The following ANKRD31 variants were observed in gnomAD, a reference collection of about 807,000 sequenced individuals.
The protein encoded by ANKRD31 is ankyrin repeat domain 31.
In ANKRD31, 147 loss-of-function variants were observed where a neutral mutation model predicts 186.0. The ratio of observed to expected loss-of-function variants is 0.79; its 90% CI spans 0.69 to 0.91. ANKRD31 has a LOEUF of 0.91. Ranked by LOEUF, ANKRD31 falls within the 40% of genes least tolerant of loss-of-function variation. The pLI, the probability that ANKRD31 is intolerant of heterozygous loss-of-function variation, is 0.00. For missense variants in ANKRD31, 1,986 were observed against 2,148.8 expected (o/e 0.92, Z 1.50); for synonymous variants, 673 against 736.4 (o/e 0.91, Z 1.39).
At chr5:75,114,781 T>C (rs1287135432) in intron 19 of ANKRD31, among the ~76,000 whole-genome samples, 1 of 152,146 alleles carries the variant, frequency 6.6e-6, no homozygotes, top group Non-Finnish European at 1.5e-5. Flanking sequence ...TGGAAGAACA[T>C]TCCATGCTCA....
At chr5:75,074,970 C>T (rs527249970) in intron 25 of ANKRD31, among the ~76,000 whole-genome samples, 10 of 152,154 alleles carry the variant, frequency 6.6e-5, no homozygotes, top group Non-Finnish European at 1.3e-4. Flanking sequence ...GCACAAATAC[C>T]AGTATGTAAT....
chr5:75,203,455 C>T (rs745820005), intron 5 of ANKRD31, among the ~76,000 whole-genome samples: 3 of 151,744 alleles, frequency 2.0e-5, no homozygotes, highest in Non-Finnish European at 2.9e-5. Context: ...CATGAGGTCA[C>T]GAGTTTAAGA....
intron 22 of ANKRD31, 63 bp downstream of exon 22, chr5:75,104,165 C>A: frequency 7.6e-7 from 1 of 1,322,272 alleles, no homozygotes; most frequent in Non-Finnish European, 1.0e-6. Context: ...TATTATGTGA[C>A]AGCAACATTT....
chr5:75,169,848 C>G (rs1162585188), intron 10 of ANKRD31, among the ~76,000 whole-genome samples: 1 of 152,042 alleles, frequency 6.6e-6, no homozygotes, highest in East Asian at 1.9e-4. Flanking sequence ...GAATGTTTAC[C>G]AGCATCCCTG....
intron 24 of ANKRD31, among the ~76,000 whole-genome samples, chr5:75,081,041 T>G (rs186358927): frequency 9.8e-5 from 15 of 152,294 alleles, no homozygotes; most frequent in Admixed American, 7.2e-4. Context: ...GTAATAGGGT[T>G]AGAGAGTTTT....
chr5:75,094,289 C>T (rs1203537577), intron 22 of ANKRD31, among the ~76,000 whole-genome samples: 1 of 152,142 alleles, frequency 6.6e-6, no homozygotes, highest in East Asian at 1.9e-4. Flanking sequence ...TTTCTTCCAT[C>T]AGCTTCTTTA....
At chr5:75,120,353 T>C (rs1450075746) in intron 17 of ANKRD31, among the ~76,000 whole-genome samples, 1 of 152,104 alleles carries the variant, frequency 6.6e-6, no homozygotes, top group Non-Finnish European at 1.5e-5. Context: ...TGTGTGATAG[T>C]GCCACTGTAC....
At chr5:75,141,678 T>C (rs1468143189) in intron 15 of ANKRD31, among the ~76,000 whole-genome samples, 1 of 151,808 alleles carries the variant, frequency 6.6e-6, no homozygotes, top group East Asian at 1.9e-4. Flanking sequence ...TGTGGTGGCA[T>C]GTAGTCCCAG....
rs1751561394 is a variant in ANKRD31, at chr5:75,147,520, TAC to T, written c.1906-17_1906-16del. The T allele has an allele frequency of 1.4e-6, 2 of 1,391,370 alleles. No homozygotes were observed. Among genetic ancestry groups the T allele is most frequent in the Non-Finnish European group, 1.9e-6 (2 of 1,064,328 alleles). The allele number at this position is 1,391,370 out of a possible 1,614,324, so 86.2% of individuals were successfully genotyped here. A position where few individuals can be genotyped will look rare whatever the true frequency, so the allele number is the denominator to read the frequency against. On this transcript the variant is annotated splice_polypyrimidine_tract_variant and intron_variant, in intron 13 of 25. Transcript: ENST00000506364. Reference sequence around the variant, plus strand: ...AACTTTGGTTTCTATAGAAAAAAAATACATAGTTAGCTTTAATTTTCAGCGGT... The same window carrying T: ...AACTTTGGTTTCTATAGAAAAAAAATATAGTTAGCTTTAATTTTCAGCGGT...
At chr5:75,130,176 A>C (rs935247271) in intron 17 of ANKRD31, among the ~76,000 whole-genome samples, 1 of 152,114 alleles carries the variant, frequency 6.6e-6, no homozygotes, top group African/African-American at 2.4e-5. Context: ...ACAGCTCTTA[A>C]AGGTGGCACG....
chr5:75,139,670 A>G (rs990088339), intron 15 of ANKRD31, among the ~76,000 whole-genome samples: 16 of 152,162 alleles, frequency 1.1e-4, no homozygotes, highest in African/African-American at 3.9e-4. Context: ...TAGAAAGTCA[A>G]TGATGGAGAA....
Position 75,155,524 on chromosome 5 carries a change from G to T in ANKRD31, c.1708-1179C>A, listed in dbSNP as rs1466815785. On this transcript the variant is annotated intron_variant, in intron 11 of 25. Coordinates refer to ENST00000506364, the MANE Select transcript of ANKRD31 (RefSeq NM_001372053.1). ...AAGTTGCTTCGAAGCTTTTACTACA[G>T]ATATATGTCTTCATATTCCCAGAGA... 2.0e-5 allele frequency among the ~76,000 whole-genome samples: 3 copies of T among 152,172 alleles called. No individual in the cohort carries two copies. The East Asian group carries it at 5.8e-4, about 29-fold the overall frequency.
chr5:75,187,229 C>T (rs1261975744), intron 10 of ANKRD31, among the ~76,000 whole-genome samples: 1 of 151,538 alleles, frequency 6.6e-6, no homozygotes, highest in Non-Finnish European at 1.5e-5. Context: ...TGTGGAAACA[C>T]TGTCCTCTGT....
intron 17 of ANKRD31, among the ~76,000 whole-genome samples, chr5:75,120,530 G>A (rs1748681273): frequency 6.6e-6 from 1 of 152,144 alleles, no homozygotes; most frequent in Non-Finnish European, 1.5e-5. Context: ...GATAAAGTAT[G>A]TTTTTAATCT....
At chr5:75,173,933 C>CA (rs925488760) in intron 10 of ANKRD31, among the ~76,000 whole-genome samples, 6 of 151,484 alleles carry the variant, frequency 4.0e-5, no homozygotes, top group African/African-American at 7.3e-5. Context: ...CAATCCTAAG[C>CA]AAAAAAAACA....
chr5:75,150,193 T>C (rs370010023), intron 12 of ANKRD31, among the ~76,000 whole-genome samples: 1 of 151,876 alleles, frequency 6.6e-6, no homozygotes, highest in African/African-American at 2.4e-5. Context: ...AAATTAGGAA[T>C]GTTAATTTAC....
intron 10 of ANKRD31, among the ~76,000 whole-genome samples, chr5:75,176,683 G>T (rs1361350170): frequency 2.6e-5 from 4 of 152,170 alleles, no homozygotes; most frequent in Non-Finnish European, 4.4e-5. Flanking sequence ...CTGACTGTTA[G>T]AAGGAAAACT....
intron 22 of ANKRD31, among the ~76,000 whole-genome samples, chr5:75,101,472 G>C (rs968707381): frequency 6.6e-6 from 1 of 152,112 alleles, no homozygotes; most frequent in African/African-American, 2.4e-5. Flanking sequence ...ACGTTGGTCT[G>C]CCTTGGTAGG....
Position 75,111,356 on chromosome 5 carries a change from G to C in ANKRD31, c.4243+1157C>G, listed in dbSNP as rs376128072. On this transcript the variant is annotated intron_variant, in intron 20 of 25. Transcript: ENST00000506364. ...TTATAAACTTGGAAAAATCATCTTG[G>C]ATGCAAAAGACATTACAAATAGTAA... Among the ~76,000 whole-genome samples, 24 of 152,094 alleles carry C rather than the reference G, an allele frequency of 1.6e-4. 1 individual carries two copies. In the East Asian group the frequency reaches 4.2e-3, roughly 27 times the overall value.
Sources: gnomAD v4.1 joint callset for allele counts (sites outside exome capture counted in the v4.1 genomes callset) on GRCh38, gnomAD v4.1.1 for gene constraint, MANE v1.5 for transcripts, NCBI Gene and HGNC (gene_info 2026-07-23, HGNC 2026-07-21) for gene names.